The following EFCAB6 variants were observed in gnomAD, a reference collection of about 807,000 sequenced individuals.
The protein encoded by EFCAB6 is EF-hand calcium-binding domain-containing protein 6.
EFCAB6 carries 156 observed loss-of-function variants against 169.8 expected under a neutral mutation model. The observed-to-expected ratio is 0.92, with a 90% CI of 0.81 to 1.05. The LOEUF (loss-of-function observed/expected upper bound fraction) is 1.05. Among genes scored for constraint, EFCAB6 ranks in the 50% least tolerant of loss-of-function variants. EFCAB6 has a pLI of 0.00. For missense variants in EFCAB6, 1,800 were observed against 1,829.1 expected (o/e 0.98, Z 0.29); for synonymous variants, 698 against 676.4 (o/e 1.03, Z -0.50).
At chr22:43,575,116 G>A (rs1034255440) in intron 26 of EFCAB6, among the ~76,000 whole-genome samples, 5 of 152,156 alleles carry the variant, frequency 3.3e-5, no homozygotes, top group Non-Finnish European at 5.9e-5. Context: ...TTAACAGGAG[G>A]GTGACGACCG....
At chr22:43,574,482 G>A (rs1054050650) in intron 26 of EFCAB6, among the ~76,000 whole-genome samples, 3 of 152,138 alleles carry the variant, frequency 2.0e-5, no homozygotes, top group Admixed American at 1.3e-4. Context: ...GAAATCGCAG[G>A]TGAAGGGCCC....
At chr22:43,798,036 T>C (rs911434428) in intron 2 of EFCAB6, among the ~76,000 whole-genome samples, 1 of 152,162 alleles carries the variant, frequency 6.6e-6, no homozygotes, top group Non-Finnish European at 1.5e-5. Flanking sequence ...TAGAAACAGA[T>C]TGCTGGGCCC....
chr22:43,537,539 C>A lies in EFCAB6; in HGVS notation c.3886G>T (p.Ala1296Ser), dbSNP rs2047454549. The A allele has an allele frequency of 1.2e-6, 2 of 1,613,218 alleles. No homozygotes were observed. Among genetic ancestry groups the A allele is most frequent in the Non-Finnish European group, 1.7e-6 (2 of 1,179,454 alleles). Residue 1296 changes from alanine to serine, a missense_variant, in exon 29 of 32, where the codon GCG (alanine) becomes TCG (serine). By Grantham distance (99) the Ala-to-Ser change is moderately conservative. Transcript: ENST00000262726. This position sits in a 1 kb window ranked among gnomAD's most constrained non-coding sequence, Gnocchi z 4.3. ...SKSQSHPCTP[A>S]STTVIPGTPP... ...GTGCCCGGGATCACGGTGGTGCTCG[C>A]TGGAGTCTAGCAGGGAAGAAAAGAA... is the stretch of plus-strand genomic sequence containing the variant.
At position 43,642,866 on chromosome 22, in the gene EFCAB6, T is replaced by G. The variant is rs2055892457; in HGVS notation, c.1984-7650A>C. Among the ~76,000 whole-genome samples the G allele has an allele frequency of 6.6e-5, 10 of 152,282 alleles. 1 individual carries two copies. In the South Asian group the frequency reaches 2.1e-3, roughly 32 times the overall value. ...GTGAGTGCAGATAAATAATGGGATT[T>G]CCTTTTCAAGTCTTAACCAACAGGA... On this transcript the variant is annotated intron_variant, in intron 17 of 31. Coordinates refer to ENST00000262726, the MANE Select transcript of EFCAB6 (RefSeq NM_022785.4).
chr22:43,794,307 T>C (rs2062418935), intron 2 of EFCAB6, among the ~76,000 whole-genome samples: 1 of 152,230 alleles, frequency 6.6e-6, no homozygotes, highest in African/African-American at 2.4e-5. Context: ...TCTCATTTAA[T>C]CATCAACCAT....
chr22:43,657,438 AC>A (rs1373681340), intron 17 of EFCAB6, among the ~76,000 whole-genome samples: 1 of 152,102 alleles, frequency 6.6e-6, no homozygotes, highest in East Asian at 1.9e-4. Flanking sequence ...TAAAAAAAAA[AC>A]ACTAGAAAAT....
chr22:43,551,469 G>A (rs1023838030), intron 27 of EFCAB6, among the ~76,000 whole-genome samples: 2 of 152,222 alleles, frequency 1.3e-5, no homozygotes, highest in African/African-American at 4.8e-5. Context: ...GATGAGGACT[G>A]TATTGGAGAC....
intron 24 of EFCAB6, 22 bp from the exon 25 acceptor site, chr22:43,580,681 G>A (rs372155961): frequency 6.2e-7 from 1 of 1,609,542 alleles, no homozygotes; most frequent in South Asian, 1.1e-5. Flanking sequence ...AGGAAGAAAA[G>A]AACATATTCA....
At chr22:43,689,349 G>A (rs1407549355) in intron 10 of EFCAB6, among the ~76,000 whole-genome samples, 2 of 146,962 alleles carry the variant, frequency 1.4e-5, no homozygotes, top group African/African-American at 2.6e-5. Flanking sequence ...GAGAGCACGT[G>A]CACACACACA....
intron 7 of EFCAB6, among the ~76,000 whole-genome samples, chr22:43,733,349 T>G (rs954656968): frequency 1.3e-5 from 2 of 152,216 alleles, no homozygotes; most frequent in South Asian, 4.1e-4. Context: ...GTGATTTGTT[T>G]GCTGGTTTTA....
chr22:43,614,652 G>A (rs147097601), intron 21 of EFCAB6, among the ~76,000 whole-genome samples: 1,996 of 152,340 alleles, frequency 0.013, 20 homozygotes, highest in Admixed American at 0.018. Flanking sequence ...CTCTGAAAGT[G>A]GGCCACACAG....
At chr22:43,590,589 G>A (rs997725725) in intron 23 of EFCAB6, among the ~76,000 whole-genome samples, 12 of 152,144 alleles carry the variant, frequency 7.9e-5, no homozygotes, top group African/African-American at 2.7e-4. Context: ...CACTAGTTGA[G>A]TACCTATGAC....
At chr22:43,644,637 C>G (rs1455891478) in intron 17 of EFCAB6, among the ~76,000 whole-genome samples, 1 of 152,192 alleles carries the variant, frequency 6.6e-6, no homozygotes, top group Non-Finnish European at 1.5e-5. Flanking sequence ...ATAGCAATCA[C>G]AAAGTCGAAA....
chr22:43,639,838 T>A (rs546856173), intron 17 of EFCAB6, among the ~76,000 whole-genome samples: 1 of 152,266 alleles, frequency 6.6e-6, no homozygotes, highest in African/African-American at 2.4e-5. Flanking sequence ...CTCTCTCTTT[T>A]AAAAAATTTT....
At chr22:43,617,251 CT>C (rs1346219851) in intron 20 of EFCAB6, among the ~76,000 whole-genome samples, 4 of 152,226 alleles carry the variant, frequency 2.6e-5, no homozygotes, top group African/African-American at 7.2e-5. Context: ...CTAATGATGT[CT>C]ATTTCCCTGC....
chr22:43,809,279 A>C (rs1330214226), intron 1 of EFCAB6, 148 bp from the exon 2 acceptor site: 9 of 152,212 alleles, frequency 5.9e-5, no homozygotes, highest in Non-Finnish European at 1.2e-4. Context: ...CTCCCAGCTA[A>C]ATTTCCAGCC....
At chr22:43,775,396 T>G (rs2061607147) in intron 3 of EFCAB6, among the ~76,000 whole-genome samples, 1 of 152,166 alleles carries the variant, frequency 6.6e-6, no homozygotes, top group Non-Finnish European at 1.5e-5. Context: ...ACATGACATG[T>G]GTGATCTCCA....
chr22:43,564,026 C>CA (rs1323293908), intron 26 of EFCAB6, among the ~76,000 whole-genome samples: 1 of 152,246 alleles, frequency 6.6e-6, no homozygotes, highest in Non-Finnish European at 1.5e-5. Context: ...CTAAGGCAAT[C>CA]ACTTCACCTC....
At chr22:43,569,132 G>A (rs887271761) in intron 26 of EFCAB6, among the ~76,000 whole-genome samples, 3 of 152,246 alleles carry the variant, frequency 2.0e-5, no homozygotes, top group South Asian at 2.1e-4. Flanking sequence ...GTTGGAGGGG[G>A]ACTCATACTC....
Sources: gnomAD v4.1 joint callset for allele counts (sites outside exome capture counted in the v4.1 genomes callset) on GRCh38, gnomAD v4.1.1 for gene constraint, Gnocchi (gnomAD v3.1) non-coding constraint, MANE v1.5 for transcripts, NCBI Gene and HGNC (gene_info 2026-07-23, HGNC 2026-07-21) for gene names.